The following AP3B1 variants were observed in gnomAD, a reference collection of about 807,000 sequenced individuals.
AP3B1 encodes the protein adaptor related protein complex 3 subunit beta 1.
In AP3B1, 61 loss-of-function variants were observed where a neutral mutation model predicts 132.5. The observed-to-expected ratio is 0.46, with a 90% confidence interval of 0.37 to 0.57. The LOEUF (loss-of-function observed/expected upper bound fraction) is 0.57. Among genes scored for constraint, AP3B1 ranks in the 20% least tolerant of loss-of-function variants. The pLI is 0.00. For synonymous variants in AP3B1, 388 were observed against 438.3 expected (o/e 0.89, Z 1.43); for missense variants, 1,120 against 1,289.4 (o/e 0.87, Z 2.01).
chr5:78,029,936 A>G (rs1242829306), intron 24 of AP3B1, among the ~76,000 whole-genome samples: 6 of 152,054 alleles, frequency 3.9e-5, no homozygotes, highest in Non-Finnish European at 2.9e-5. Flanking sequence ...CCATCGATCA[A>G]TTCTCTTCTC....
At chr5:78,006,689 AGATGTATT>A (rs1440882788) in intron 26 of AP3B1, among the ~76,000 whole-genome samples, 1 of 152,198 alleles carries the variant, frequency 6.6e-6, no homozygotes, top group Admixed American at 6.5e-5. Flanking sequence ...TGACAGTTAA[AGATGTATT>A]GCCTGTGTAT....
At chr5:78,175,564 T>C in intron 11 of AP3B1, 62 bp downstream of exon 11, 1 of 1,322,060 alleles carries the variant, frequency 7.6e-7, no homozygotes, top group Non-Finnish European at 1.1e-6. Context: ...TGCTAAAAGC[T>C]ATAGAAATAT....
At chr5:78,117,485 T>A (rs1407027486) in intron 17 of AP3B1, among the ~76,000 whole-genome samples, 1 of 151,944 alleles carries the variant, frequency 6.6e-6, no homozygotes, top group African/African-American at 2.4e-5. Flanking sequence ...AATTTTTGTA[T>A]TTTTAGTAGA....
At chr5:78,112,192 T>C (rs958782710) in intron 19 of AP3B1, among the ~76,000 whole-genome samples, 4 of 152,148 alleles carry the variant, frequency 2.6e-5, no homozygotes, top group Admixed American at 6.5e-5. Flanking sequence ...AGAATCAATA[T>C]TTCCTAGAAT....
intron 2 of AP3B1, among the ~76,000 whole-genome samples, chr5:78,245,024 G>C (rs951517564): frequency 2.2e-4 from 33 of 152,062 alleles, no homozygotes; most frequent in African/African-American, 6.3e-4. Context: ...ATTGTGGAGT[G>C]TTGGGGACCA....
intron 7 of AP3B1, among the ~76,000 whole-genome samples, chr5:78,215,399 T>A (rs1371546240): frequency 6.6e-6 from 1 of 151,938 alleles, no homozygotes; most frequent in East Asian, 1.9e-4. Flanking sequence ...ATGATAAAAT[T>A]TTCTAAATTG....
chr5:78,239,923 G>A (rs986859904), intron 3 of AP3B1, among the ~76,000 whole-genome samples: 11 of 152,014 alleles, frequency 7.2e-5, no homozygotes, highest in African/African-American at 2.7e-4. Context: ...TGGTTTTGCT[G>A]GCAAGAATAC....
At chr5:78,144,876 C>G (rs1015506070) in intron 14 of AP3B1, among the ~76,000 whole-genome samples, 3 of 151,918 alleles carry the variant, frequency 2.0e-5, no homozygotes, top group Non-Finnish European at 4.4e-5. Flanking sequence ...CTCTGTCATC[C>G]AGGCTGGAGT....
At chr5:78,247,823 G>A (rs192340295) in intron 2 of AP3B1, among the ~76,000 whole-genome samples, 65 of 152,196 alleles carry the variant, frequency 4.3e-4, no homozygotes, top group Admixed American at 2.0e-4. Flanking sequence ...CCACTTACAT[G>A]TAATAGAATT....
intron 1 of AP3B1, among the ~76,000 whole-genome samples, chr5:78,290,546 T>C (rs1749467729): frequency 6.6e-6 from 1 of 152,184 alleles, no homozygotes; most frequent in Non-Finnish European, 1.5e-5. Flanking sequence ...TTATTAAAAT[T>C]ATTTTTAATT....
At chr5:78,202,357 T>C (rs1456059907) in intron 7 of AP3B1, among the ~76,000 whole-genome samples, 1 of 152,140 alleles carries the variant, frequency 6.6e-6, no homozygotes, top group Non-Finnish European at 1.5e-5. Context: ...GGAGCTCCTC[T>C]CCTGTATTAC....
intron 13 of AP3B1, among the ~76,000 whole-genome samples, chr5:78,158,327 C>T (rs1026976138): frequency 6.6e-6 from 1 of 151,906 alleles, no homozygotes; most frequent in Non-Finnish European, 1.5e-5. Flanking sequence ...AGTTGTGGCA[C>T]GTGCCTATAG....
intron 20 of AP3B1, among the ~76,000 whole-genome samples, chr5:78,102,272 G>T (rs1377582634): frequency 2.6e-5 from 4 of 152,024 alleles, no homozygotes; most frequent in Non-Finnish European, 5.9e-5. Flanking sequence ...TTATACATAG[G>T]TAACATTTTA....
At chr5:78,210,756 A>G (rs1745699240) in intron 7 of AP3B1, among the ~76,000 whole-genome samples, 1 of 152,150 alleles carries the variant, frequency 6.6e-6, no homozygotes, top group African/African-American at 2.4e-5. Context: ...GTTTCCTTTC[A>G]GTTTACAATT....
Position 78,210,427 on chromosome 5 carries a change from T to C in AP3B1, c.786+5628A>G, listed in dbSNP as rs531009291. Among the ~76,000 whole-genome samples the C allele has an allele frequency of 5.3e-5, 8 of 152,260 alleles. No individual in the cohort carries two copies. The East Asian group carries it at 1.3e-3, about 26-fold the overall frequency. On this transcript the variant is annotated intron_variant, in intron 7 of 26. Transcript: ENST00000255194. The stretch of plus-strand genomic sequence containing the variant: ...CACTGAAAAACTTAAGAACTTACCT[T>C]AAAAATACTTTAAACAAAATTCTAA...
intron 24 of AP3B1, among the ~76,000 whole-genome samples, chr5:78,024,553 CTAATT>C (rs1747249625): frequency 7.1e-6 from 1 of 141,288 alleles, no homozygotes; most frequent in Non-Finnish European, 1.5e-5. Context: ...CCATGCCTAG[CTAATT>C]TAATTTTTTT....
chr5:78,031,498 C>A (rs77747984), intron 24 of AP3B1, among the ~76,000 whole-genome samples: 1 of 152,330 alleles, frequency 6.6e-6, no homozygotes, highest in African/African-American at 2.4e-5. Context: ...CACATCCACA[C>A]CAAAACGTCT....
At chr5:78,253,589 A>G (rs1361706525) in intron 2 of AP3B1, among the ~76,000 whole-genome samples, 1 of 152,216 alleles carries the variant, frequency 6.6e-6, no homozygotes, top group Non-Finnish European at 1.5e-5. Context: ...AAAAAGAGAA[A>G]TATGTGACCT....
chr5:78,167,223 G>A (rs1743672585), intron 11 of AP3B1, among the ~76,000 whole-genome samples: 1 of 151,990 alleles, frequency 6.6e-6, no homozygotes, highest in Non-Finnish European at 1.5e-5. Context: ...AAACGGCCAA[G>A]AAGCACATGG....
Sources: gnomAD v4.1 joint callset for allele counts (sites outside exome capture counted in the v4.1 genomes callset) on GRCh38, gnomAD v4.1.1 for gene constraint, MANE v1.5 for transcripts, NCBI Gene and HGNC (gene_info 2026-07-23, HGNC 2026-07-21) for gene names.